Variants in TPRX1 observed in about 807,000 individuals in gnomAD.
TPRX1 encodes tetrapeptide repeat homeobox 1.
Under a neutral mutation model 8.1 loss-of-function variants are expected in TPRX1, and 2 were observed. The ratio of observed to expected loss-of-function variants is 0.25; its 90% confidence interval spans 0.10 to 0.78. The LOEUF is 0.78. TPRX1 is among the 30% of genes least tolerant of loss of function. TPRX1 has a pLI of 0.70. For synonymous variants in TPRX1, 257 were observed against 254.1 expected (o/e 1.01, Z -0.11); for missense variants, 517 against 586.9 (o/e 0.88, Z 1.23).
exon 4 of TPRX1, chr19:47,802,015 G>T (rs149923413): frequency 6.2e-7 from 1 of 1,612,454 alleles, no homozygotes; most frequent in East Asian, 2.2e-5. Context: ...GAGGCCATAA[G>T]GGGGCTGGGG....
chr19:47,802,050 T>C, exon 4 of TPRX1: 3 of 1,606,054 alleles, frequency 1.9e-6, no homozygotes, highest in South Asian at 1.1e-5. Flanking sequence ...GGGCCTGGGA[T>C]TGGAGCTGGG....
At chr19:47,810,344 ATTTTTTTTTTT>A (rs762098389) in intron 2 of TPRX1, among the ~76,000 whole-genome samples, 14 of 93,324 alleles carry the variant, frequency 1.5e-4, no homozygotes, top group African/African-American at 5.3e-4. Flanking sequence ...TTATCCATCA[ATTTTTTTTTTT>A]TTTTTTTTTT....
chr19:47,816,252 G>A (rs1438154670), intron 2 of TPRX1, among the ~76,000 whole-genome samples: 1 of 152,006 alleles, frequency 6.6e-6, no homozygotes, highest in African/African-American at 2.4e-5. Context: ...ATTTTTAGTA[G>A]AGACGGGGTT....
intron 2 of TPRX1, among the ~76,000 whole-genome samples, chr19:47,806,011 G>C (rs762138288): frequency 2.0e-5 from 3 of 152,002 alleles, no homozygotes; most frequent in Non-Finnish European, 4.4e-5. Context: ...GATCACCTGA[G>C]GTCAGGAGTT....
At chr19:47,802,771 A>G in exon 4 of TPRX1, 7 of 1,606,914 alleles carry the variant, frequency 4.4e-6, no homozygotes, top group Non-Finnish European at 5.9e-6. Flanking sequence ...CTCTGCACCC[A>G]GGGCCACCCC....
At chr19:47,812,173 C>G (rs1035749873) in intron 2 of TPRX1, among the ~76,000 whole-genome samples, 5 of 151,984 alleles carry the variant, frequency 3.3e-5, no homozygotes, top group Non-Finnish European at 5.9e-5. Context: ...GGCCTGAGAA[C>G]TGTCTGTATT....
chr19:47,808,758 A>G (rs1967758040), intron 2 of TPRX1, among the ~76,000 whole-genome samples: 1 of 152,022 alleles, frequency 6.6e-6, no homozygotes, highest in Non-Finnish European at 1.5e-5. Flanking sequence ...GCCTGGCCTC[A>G]ATGTTTTATT....
At chr19:47,809,060 C>T (rs17272583) in intron 2 of TPRX1, among the ~76,000 whole-genome samples, 14,387 of 152,094 alleles carry the variant, frequency 0.095, 915 homozygotes, top group South Asian at 0.16. Flanking sequence ...GTGTCTTGAA[C>T]ACAGAGACTT....
At chr19:47,815,977 G>A (rs1479046264) in intron 2 of TPRX1, among the ~76,000 whole-genome samples, 1 of 152,072 alleles carries the variant, frequency 6.6e-6, no homozygotes, top group African/African-American at 2.4e-5. Flanking sequence ...TTTAGACTCT[G>A]GGTCATGTGT....
At chr19:47,810,344 AT>A (rs762098389) in intron 2 of TPRX1, among the ~76,000 whole-genome samples, 579 of 93,314 alleles carry the variant, frequency 6.2e-3, no homozygotes, top group African/African-American at 9.6e-3. Context: ...TTATCCATCA[AT>A]TTTTTTTTTT....
In TPRX1 at chr19:47,812,661, G is replaced by C. The variant is rs891922604; in HGVS notation, c.151+5807C>G. Among the ~76,000 whole-genome samples the C allele has an allele frequency of 2.6e-5, 4 of 152,066 alleles. No individual in the cohort carries two copies. The East Asian group carries it at 7.7e-4, about 29-fold the overall frequency. On this transcript the variant is annotated intron_variant, in intron 2 of 3. Transcript: ENST00000535759. ...GAGGCAGGAGAATCGCTTGAACCCAGGAGGGGAGATTGCAGTGAGCCAAGA... is the reference window on the plus strand; with the variant it reads ...GAGGCAGGAGAATCGCTTGAACCCACGAGGGGAGATTGCAGTGAGCCAAGA...
chr19:47,812,727 G>A (rs1007033561), intron 2 of TPRX1, among the ~76,000 whole-genome samples: 15 of 151,790 alleles, frequency 9.9e-5, no homozygotes, highest in African/African-American at 3.4e-4. Context: ...ACAGAATAAA[G>A]CAAAGGTTAA....
chr19:47,812,438 A>G (rs1967792419), intron 2 of TPRX1, among the ~76,000 whole-genome samples: 1 of 151,892 alleles, frequency 6.6e-6, no homozygotes, highest in Non-Finnish European at 1.5e-5. Context: ...CTCTCTTAAA[A>G]AATATAAAGA....
chr19:47,817,965 A>G (rs1967859603), intron 2 of TPRX1, among the ~76,000 whole-genome samples: 2 of 152,130 alleles, frequency 1.3e-5, no homozygotes, highest in African/African-American at 4.8e-5. Context: ...TGCACCCACT[A>G]CCAGGCATGG....
intron 2 of TPRX1, among the ~76,000 whole-genome samples, chr19:47,804,834 G>A (rs184384327): frequency 6.6e-6 from 1 of 152,318 alleles, no homozygotes; most frequent in Admixed American, 6.5e-5. Flanking sequence ...GGTTTGGTTG[G>A]GGGAGTCAAC....
exon 4 of TPRX1, chr19:47,802,065 A>AGCCTGAGCCTGG (rs776975970): frequency 6.6e-5 from 105 of 1,584,236 alleles, no homozygotes; most frequent in Middle Eastern, 1.7e-4. Flanking sequence ...GCTGGGACTG[A>AGCCTGAGCCTGG]GCCTGAGCCT....
exon 4 of TPRX1, chr19:47,801,991 G>A: frequency 6.2e-7 from 1 of 1,613,930 alleles, no homozygotes; most frequent in Non-Finnish European, 8.5e-7. Flanking sequence ...AGAAGTCGGA[G>A]GCATCGGGGC....
chr19:47,818,629 G>A, intron 1 of TPRX1: 1 of 447,500 alleles, frequency 2.2e-6, no homozygotes, highest in Non-Finnish European at 4.5e-6. Flanking sequence ...GGGGGTGCAG[G>A]TATGAGGAGC....
chr19:47,810,344 A>T (rs1371929704), intron 2 of TPRX1, among the ~76,000 whole-genome samples: 19 of 93,312 alleles, frequency 2.0e-4, no homozygotes, highest in African/African-American at 5.3e-4. Flanking sequence ...TTATCCATCA[A>T]TTTTTTTTTT....
Sources: gnomAD v4.1 joint callset for allele counts (sites outside exome capture counted in the v4.1 genomes callset) on GRCh38, gnomAD v4.1.1 for gene constraint, MANE v1.5 for transcripts, NCBI Gene and HGNC (gene_info 2026-07-23, HGNC 2026-07-21) for gene names.